ATRNL1: variants seen among roughly 807,000 people sequenced by gnomAD.
The protein encoded by ATRNL1 is attractin-like protein 1.
A neutral mutation model predicts 182.7 loss-of-function variants in ATRNL1; 95 were observed. That is an observed-to-expected ratio of 0.52 (90% confidence interval 0.44 to 0.62). The LOEUF is 0.62. Ranked by LOEUF, ATRNL1 falls within the 20% of genes least tolerant of loss-of-function variation. The pLI, the probability that ATRNL1 is intolerant of heterozygous loss-of-function variation, is 0.00. For synonymous variants in ATRNL1, 576 were observed against 568.3 expected, an observed-to-expected ratio of 1.01 and a Z score of -0.19; for missense variants, 1,471 against 1,679.5, an observed-to-expected ratio of 0.88 and a Z score of 2.17.
chr10:115,167,865 A>G (rs1847117026), intron 7 of ATRNL1, among the ~76,000 whole-genome samples: 1 of 152,080 alleles, frequency 6.6e-6, no homozygotes, highest in Admixed American at 6.6e-5. Context: ...GGTTTTTAGT[A>G]TATTCAGAGT....
Position 115,144,482 on chromosome 10 carries a change from C to T in ATRNL1, c.829+14947C>T, listed in dbSNP as rs140608383. ...CAATTTTTTGTATTTTTACTAGAGA[C>T]GGGGTTTCACTACGTTGGCCAGGCT... On this transcript the variant is annotated intron_variant, in intron 5 of 28. Coordinates refer to ENST00000355044, the MANE Select transcript of ATRNL1 (RefSeq NM_207303.4). Among the ~76,000 whole-genome samples the T allele has an allele frequency of 2.9e-3, 438 of 151,828 alleles. 2 individuals carry two copies. Among genetic ancestry groups the T allele is most frequent in the African/African-American group, 9.4e-3 (389 of 41,398 alleles).
chr10:115,399,058 C>T (rs1195480272), intron 20 of ATRNL1, among the ~76,000 whole-genome samples: 2 of 152,120 alleles, frequency 1.3e-5, no homozygotes, highest in Non-Finnish European at 2.9e-5. Flanking sequence ...ATAAAGCCTA[C>T]TTGATCATGG....
intron 19 of ATRNL1, among the ~76,000 whole-genome samples, chr10:115,357,909 A>G (rs1265983333): frequency 6.6e-6 from 1 of 151,534 alleles, no homozygotes; most frequent in Non-Finnish European, 1.5e-5. Flanking sequence ...CTCCATCCCT[A>G]TCTTAGTTAA....
At chr10:115,483,889 T>C (rs1554974661) in intron 24 of ATRNL1, among the ~76,000 whole-genome samples, 1 of 151,634 alleles carries the variant, frequency 6.6e-6, no homozygotes, top group African/African-American at 2.4e-5. Flanking sequence ...TATTTGCCCA[T>C]GTTTTTAGAG....
At chr10:115,422,584 G>A (rs1845697097) in intron 20 of ATRNL1, among the ~76,000 whole-genome samples, 1 of 152,126 alleles carries the variant, frequency 6.6e-6, no homozygotes, top group Non-Finnish European at 1.5e-5. Context: ...ATTGCTGGTG[G>A]GATTGTAAAT....
intron 21 of ATRNL1, among the ~76,000 whole-genome samples, chr10:115,455,771 A>G (rs1024884308): frequency 1.3e-5 from 2 of 152,180 alleles, no homozygotes; most frequent in African/African-American, 4.8e-5. Flanking sequence ...TCTACAAGGA[A>G]TTTAAACAAA....
intron 19 of ATRNL1, among the ~76,000 whole-genome samples, chr10:115,393,346 G>A (rs1844124924): frequency 6.6e-6 from 1 of 151,928 alleles, no homozygotes; most frequent in South Asian, 2.1e-4. Context: ...TGATTATCTG[G>A]TTACATTTGT....
chr10:115,232,010 T>G (rs1356088635), intron 9 of ATRNL1, among the ~76,000 whole-genome samples: 1 of 152,198 alleles, frequency 6.6e-6, no homozygotes, highest in Non-Finnish European at 1.5e-5. Context: ...TTTTTATATT[T>G]TCTGCCTTAC....
In ATRNL1 at chr10:115,371,163, G is replaced by C. The variant is rs141180786; in HGVS notation, c.3176-23496G>C. On this transcript the variant is annotated intron_variant, in intron 19 of 28. Transcript: ENST00000355044. Reference sequence around the variant, plus strand: ...ATGTATAGAAATGCCTGGATGTCCAGGCAGAAGTTCACTTCAGGGGTGGGG... The same window carrying C: ...ATGTATAGAAATGCCTGGATGTCCACGCAGAAGTTCACTTCAGGGGTGGGG... 1.5e-4 allele frequency among the ~76,000 whole-genome samples: 23 copies of C among 152,282 alleles called. 1 individual carries two copies. In the East Asian group the frequency reaches 4.5e-3, roughly 29 times the overall value.
intron 20 of ATRNL1, among the ~76,000 whole-genome samples, chr10:115,412,820 T>C (rs1845208305): frequency 1.3e-5 from 2 of 152,346 alleles, no homozygotes; most frequent in South Asian, 4.1e-4. Context: ...TTGATCTGAG[T>C]AATTTACATT....
At chr10:115,195,503 G>A (rs1848326744) in intron 8 of ATRNL1, among the ~76,000 whole-genome samples, 1 of 151,994 alleles carries the variant, frequency 6.6e-6, no homozygotes, top group African/African-American at 2.4e-5. Flanking sequence ...TAAGTTGTGT[G>A]CCTCTTTTCT....
chr10:115,234,969 CT>C (rs1173223807), intron 9 of ATRNL1, among the ~76,000 whole-genome samples: 1 of 152,034 alleles, frequency 6.6e-6, no homozygotes, highest in Non-Finnish European at 1.5e-5. Flanking sequence ...GATTTTGATA[CT>C]TTTTTCCTTA....
chr10:115,199,193 G>C (rs1184657560), intron 8 of ATRNL1, among the ~76,000 whole-genome samples: 1 of 151,542 alleles, frequency 6.6e-6, no homozygotes, highest in Non-Finnish European at 1.5e-5. Flanking sequence ...ATGTTTTATA[G>C]TTTTCATTGT....
intron 27 of ATRNL1, among the ~76,000 whole-genome samples, chr10:115,796,919 C>A (rs879969246): frequency 6.6e-6 from 1 of 152,146 alleles, no homozygotes; most frequent in South Asian, 2.1e-4. Context: ...TATCAAAAAT[C>A]ATTGATCAGA....
intron 26 of ATRNL1, among the ~76,000 whole-genome samples, chr10:115,648,358 C>G (rs1394830714): frequency 8.5e-5 from 13 of 152,114 alleles, no homozygotes; most frequent in African/African-American, 3.1e-4. Context: ...AGAATCAATA[C>G]CATGAAAATG....
At chr10:115,341,135 C>CT (rs1378682767) in intron 19 of ATRNL1, among the ~76,000 whole-genome samples, 2 of 151,874 alleles carry the variant, frequency 1.3e-5, no homozygotes, top group South Asian at 2.1e-4. Context: ...AGCTTTTCCT[C>CT]TTTTTTTGAT....
In ATRNL1 at chr10:115,719,655, T is replaced by C. The variant is rs549440724; in HGVS notation, c.3796-7593T>C. Among the ~76,000 whole-genome samples, 4 of 152,262 alleles carry C rather than the reference T, an allele frequency of 2.6e-5. No homozygotes were observed. In the South Asian group the frequency reaches 8.3e-4, roughly 32 times the overall value. On this transcript the variant is annotated intron_variant, in intron 26 of 28. Transcript: ENST00000355044. Reference sequence around the variant, plus strand: ...AATGGATGTGATAATTAGATAGGGATATTATTTTACTTTTCTTTGTTTGCT... The same window carrying C: ...AATGGATGTGATAATTAGATAGGGACATTATTTTACTTTTCTTTGTTTGCT...
intron 1 of ATRNL1, among the ~76,000 whole-genome samples, chr10:115,096,349 A>G (rs1037994446): frequency 1.3e-5 from 2 of 152,216 alleles, no homozygotes; most frequent in Non-Finnish European, 1.5e-5. Flanking sequence ...TTAATGTTAA[A>G]GAGAAGGATT....
At chr10:115,790,170 G>T (rs141005386) in intron 27 of ATRNL1, among the ~76,000 whole-genome samples, 3 of 150,932 alleles carry the variant, frequency 2.0e-5, no homozygotes, top group African/African-American at 7.3e-5. Context: ...GTCTGTCATT[G>T]TCTCTCCAGA....
Sources: allele counts gnomAD v4.1 joint callset (sites outside exome capture counted in the v4.1 genomes callset), GRCh38; gene constraint gnomAD v4.1.1; transcripts MANE v1.5; gene names NCBI Gene and HGNC (gene_info 2026-07-23, HGNC 2026-07-21).